The following CNTN5 variants were observed in gnomAD, a reference collection of about 807,000 sequenced individuals.
CNTN5 encodes contactin 5.
CNTN5 carries 77 observed loss-of-function variants against 129.1 expected under a neutral mutation model. That is an observed-to-expected ratio of 0.60 (90% CI 0.50 to 0.72). CNTN5 has a LOEUF of 0.72. Ranked by LOEUF, CNTN5 falls within the 30% of genes least tolerant of loss-of-function variation. The pLI, the probability that CNTN5 is intolerant of heterozygous loss-of-function variation, is 0.00. For missense variants in CNTN5, 1,478 were observed against 1,328.8 expected (o/e 1.11, Z -1.75); for synonymous variants, 509 against 465.6 (o/e 1.09, Z -1.20).
At chr11:100,255,670 A>G (rs1158156276) in intron 16 of CNTN5, 90 bp from the exon 17 acceptor site, 4 of 1,098,938 alleles carry the variant, frequency 3.6e-6, no homozygotes, top group Non-Finnish European at 5.3e-6. Flanking sequence ...GTGATTACAT[A>G]GTTGGATGTG....
chr11:99,995,009 GAGA>G (rs919832843), intron 8 of CNTN5, among the ~76,000 whole-genome samples: 3 of 152,172 alleles, frequency 2.0e-5, no homozygotes, highest in Admixed American at 1.3e-4. Flanking sequence ...TTGATAAAGA[GAGA>G]AGAAGTCGTT....
chr11:100,048,836 A>G (rs57579366), intron 9 of CNTN5, among the ~76,000 whole-genome samples: 3,315 of 152,226 alleles, frequency 0.022, 125 homozygotes, highest in African/African-American at 0.073. Context: ...CAGATCTCCA[A>G]CGCTCAATGA....
intron 2 of CNTN5, among the ~76,000 whole-genome samples, chr11:99,396,505 T>C (rs531109643): frequency 4.6e-5 from 7 of 151,536 alleles, no homozygotes; most frequent in Non-Finnish European, 1.0e-4. Context: ...ATTTTATGGG[T>C]TAATAAATAT....
chr11:99,201,337 C>T (rs1248631910), intron 1 of CNTN5, among the ~76,000 whole-genome samples: 2 of 80,302 alleles, frequency 2.5e-5, no homozygotes, highest in African/African-American at 1.1e-4. Context: ...TCCTTCCTTC[C>T]TTCCTTCCTT....
intron 3 of CNTN5, among the ~76,000 whole-genome samples, chr11:99,636,994 A>G (rs1270094959): frequency 3.0e-5 from 1 of 33,302 alleles, no homozygotes; most frequent in East Asian, 7.9e-4. Flanking sequence ...GCCTGGTGAC[A>G]GAGCTAACTT....
At position 99,063,472 on chromosome 11, in the gene CNTN5, A is replaced by G. The variant is rs192963283; in HGVS notation, c.-210+42202A>G. 1.1e-4 allele frequency among the ~76,000 whole-genome samples: 16 copies of G among 151,984 alleles called. No homozygotes were observed. In the East Asian group the frequency reaches 2.7e-3, roughly 26 times the overall value. ...CTTATTGAGAAATGTGTAAATTGGA[A>G]GAATACAAGTTTAAAAGAGAATTTA... is the stretch of plus-strand genomic sequence containing the variant. On this transcript the variant is annotated intron_variant, in intron 1 of 24. Coordinates refer to ENST00000524871, the MANE Select transcript of CNTN5 (RefSeq NM_014361.4).
At chr11:99,511,096 A>AT (rs1946818315) in intron 2 of CNTN5, among the ~76,000 whole-genome samples, 1 of 151,924 alleles carries the variant, frequency 6.6e-6, no homozygotes, top group South Asian at 2.1e-4. Flanking sequence ...TAAATAGAAA[A>AT]AATCTTATAG....
chr11:99,508,324 G>A (rs1271406983), intron 2 of CNTN5, among the ~76,000 whole-genome samples: 1 of 152,094 alleles, frequency 6.6e-6, no homozygotes, highest in Non-Finnish European at 1.5e-5. Context: ...CCCAGCTACT[G>A]GGTAATATTT....
chr11:99,709,706 A>G (rs1284447328), intron 3 of CNTN5, among the ~76,000 whole-genome samples: 3 of 151,830 alleles, frequency 2.0e-5, no homozygotes, highest in Non-Finnish European at 2.9e-5. Context: ...GTTTTGGGTA[A>G]ATTTTAATAG....
chr11:99,683,887 C>T lies in CNTN5; in HGVS notation c.55+127618C>T, dbSNP rs145757709. 2.5e-3 allele frequency among the ~76,000 whole-genome samples: 377 copies of T among 151,558 alleles called. 7 individuals carry two copies. Among genetic ancestry groups the T allele is most frequent in the African/African-American group, 8.7e-3 (357 of 41,154 alleles). ...GTTTTGATACATGTTTATACACACACTGTGGAATGGCTACACCAACCTAAT... is the reference window on the plus strand; with the variant it reads ...GTTTTGATACATGTTTATACACACATTGTGGAATGGCTACACCAACCTAAT... On this transcript the variant is annotated intron_variant, in intron 3 of 24. Coordinates refer to ENST00000524871, the MANE Select transcript of CNTN5 (RefSeq NM_014361.4).
intron 3 of CNTN5, among the ~76,000 whole-genome samples, chr11:99,742,703 A>G (rs920819901): frequency 6.6e-6 from 1 of 152,218 alleles, no homozygotes; most frequent in Admixed American, 6.5e-5. Flanking sequence ...TGTTGAGATA[A>G]GAAATTTACG....
chr11:99,229,082 C>T (rs1053791308), intron 1 of CNTN5, among the ~76,000 whole-genome samples: 4 of 151,944 alleles, frequency 2.6e-5, no homozygotes, highest in Admixed American at 2.6e-4. Flanking sequence ...TTATACTATA[C>T]ATGTTAATTT....
intron 3 of CNTN5, among the ~76,000 whole-genome samples, chr11:99,794,305 A>T (rs1945858187): frequency 6.6e-6 from 1 of 151,652 alleles, no homozygotes; most frequent in African/African-American, 2.4e-5. Flanking sequence ...TTTACTGTGA[A>T]AGTATGGGTG....
At chr11:99,563,462 G>T (rs1280337771) in intron 3 of CNTN5, among the ~76,000 whole-genome samples, 1 of 152,154 alleles carries the variant, frequency 6.6e-6, no homozygotes, top group Non-Finnish European at 1.5e-5. Context: ...ACTGTTTATG[G>T]AAATTCAATT....
chr11:100,252,202 A>T (rs1206067561), intron 16 of CNTN5, among the ~76,000 whole-genome samples: 1 of 152,018 alleles, frequency 6.6e-6, no homozygotes, highest in Admixed American at 6.6e-5. Flanking sequence ...ATTTGTGGTC[A>T]TTTGTGTGTC....
At chr11:99,837,450 G>A (rs139809987) in intron 4 of CNTN5, among the ~76,000 whole-genome samples, 7 of 152,120 alleles carry the variant, frequency 4.6e-5, no homozygotes, top group Non-Finnish European at 8.8e-5. Flanking sequence ...ATCTTTTAAA[G>A]CCTTACTGGC....
At chr11:99,525,599 A>T (rs956600352) in intron 2 of CNTN5, among the ~76,000 whole-genome samples, 3 of 152,216 alleles carry the variant, frequency 2.0e-5, no homozygotes, top group African/African-American at 7.2e-5. Flanking sequence ...GTATTTCTGA[A>T]TTTGTATGAA....
intron 13 of CNTN5, among the ~76,000 whole-genome samples, chr11:100,150,658 C>T (rs1052745275): frequency 2.6e-5 from 4 of 151,692 alleles, no homozygotes; most frequent in African/African-American, 9.7e-5. Context: ...CTCGGAAAAT[C>T]AGTAAAATGT....
At chr11:99,081,584 T>G (rs930511183) in intron 1 of CNTN5, among the ~76,000 whole-genome samples, 5 of 152,186 alleles carry the variant, frequency 3.3e-5, no homozygotes, top group Admixed American at 2.6e-4. Flanking sequence ...TTATTGATCC[T>G]TCTAACACCA....
Sources: allele counts gnomAD v4.1 joint callset (sites outside exome capture counted in the v4.1 genomes callset), GRCh38; gene constraint gnomAD v4.1.1; transcripts MANE v1.5; gene names NCBI Gene and HGNC (gene_info 2026-07-23, HGNC 2026-07-21).